The following PRKCE variants were observed in gnomAD, a reference collection of about 807,000 sequenced individuals.
PRKCE encodes the protein protein kinase C epsilon.
Under a neutral mutation model 85.4 loss-of-function variants are expected in PRKCE, and 16 were observed. The ratio of observed to expected loss-of-function variants is 0.19; its 90% CI spans 0.13 to 0.28. The LOEUF is 0.28. Among genes scored for constraint, PRKCE ranks in the 10% least tolerant of loss-of-function variants. PRKCE has a pLI of 1.00. For missense variants in PRKCE, 573 were observed against 975.2 expected (o/e 0.59, Z 5.49); for synonymous variants, 388 against 371.5 (o/e 1.04, Z -0.51).
chr2:45,949,812 C>T (rs967817749), intron 2 of PRKCE, among the ~76,000 whole-genome samples: 2 of 151,666 alleles, frequency 1.3e-5, no homozygotes, highest in Non-Finnish European at 2.9e-5. Context: ...TGGTCTGTCC[C>T]GCTGATACAC....
chr2:46,009,083 A>G lies in PRKCE; in HGVS notation c.1264-1261A>G, dbSNP rs375084705. Reference sequence around the variant, plus strand: ...GAAGAGAAAGGCTTGTGACGTTTGTAGGTAAATGAGTGCAAAAATATCAAA... The same window carrying G: ...GAAGAGAAAGGCTTGTGACGTTTGTGGGTAAATGAGTGCAAAAATATCAAA... On this transcript the variant is annotated intron_variant, in intron 9 of 14. Transcript: ENST00000306156. 5.3e-5 allele frequency among the ~76,000 whole-genome samples: 8 copies of G among 152,336 alleles called. No homozygotes were observed. In the South Asian group the frequency reaches 1.2e-3, roughly 24 times the overall value.
chr2:45,734,365 GAA>G (rs1192372839), intron 1 of PRKCE, among the ~76,000 whole-genome samples: 7 of 124,340 alleles, frequency 5.6e-5, no homozygotes, highest in African/African-American at 8.9e-5. Flanking sequence ...CTCCATCTCA[GAA>G]AAAAAAAAAA....
In PRKCE at chr2:45,651,985, G is replaced by A. The variant is rs1675147501; in HGVS notation, c.-116G>A. The A allele has an allele frequency of 2.0e-5, 16 of 790,408 alleles. No homozygotes were observed. Among genetic ancestry groups the A allele is most frequent in the Non-Finnish European group, 3.1e-5 (15 of 485,174 alleles). 49.0% of individuals were successfully genotyped at this position (790,408 alleles called of 1,614,324 possible). A position where few individuals can be genotyped will look rare whatever the true frequency, so the allele number is the denominator to read the frequency against. On this transcript the variant is annotated 5_prime_UTR_variant, in exon 1 of 15. Coordinates refer to ENST00000306156, the MANE Select transcript of PRKCE (RefSeq NM_005400.3). Reference sequence around the variant, plus strand: ...GCCACAAGGTGTAGGGAGTGTGCGGGGTGGGGCGAAAGGGGACCCAAGAGT... The same window carrying A: ...GCCACAAGGTGTAGGGAGTGTGCGGAGTGGGGCGAAAGGGGACCCAAGAGT...
At chr2:45,775,405 C>T (rs943985815) in intron 1 of PRKCE, among the ~76,000 whole-genome samples, 20 of 152,186 alleles carry the variant, frequency 1.3e-4, no homozygotes, top group African/African-American at 4.8e-4. Flanking sequence ...ATTTGAGGCT[C>T]ATGAAATTCT....
At position 45,651,991 on chromosome 2, in the gene PRKCE, G is replaced by C. The variant is rs553881156; in HGVS notation, c.-110G>C. ...AGGTGTAGGGAGTGTGCGGGGTGGG[G>C]CGAAAGGGGACCCAAGAGTCCCTGT... On this transcript the variant is annotated 5_prime_UTR_variant, in exon 1 of 15. Transcript: ENST00000306156. The C allele has an allele frequency of 5.8e-6, 5 of 859,900 alleles. No individual in the cohort carries two copies. In the South Asian group the frequency reaches 8.3e-5, roughly 14 times the overall value. 53.3% of individuals were successfully genotyped at this position (859,900 alleles called of 1,614,324 possible).
intron 10 of PRKCE, among the ~76,000 whole-genome samples, chr2:46,050,761 C>T (rs1330460000): frequency 1.3e-5 from 2 of 152,232 alleles, no homozygotes; most frequent in African/African-American, 2.4e-5. Context: ...CCCCCAGCCA[C>T]GTCCTGGGAA....
intron 5 of PRKCE, among the ~76,000 whole-genome samples, chr2:45,982,535 C>A (rs957947433): frequency 1.7e-4 from 26 of 152,194 alleles, no homozygotes; most frequent in African/African-American, 5.8e-4. Context: ...TGTTCCATCT[C>A]CACTGGTGTC....
At chr2:45,857,985 G>A (rs571657312) in intron 2 of PRKCE, among the ~76,000 whole-genome samples, 3 of 152,324 alleles carry the variant, frequency 2.0e-5, no homozygotes, top group South Asian at 2.1e-4. Context: ...CCTGTGACAC[G>A]TGACCGCCAG....
At chr2:45,901,293 C>T (rs1252505150) in intron 2 of PRKCE, among the ~76,000 whole-genome samples, 1 of 152,158 alleles carries the variant, frequency 6.6e-6, no homozygotes, top group Admixed American at 6.5e-5. Flanking sequence ...ACAAGCAAGG[C>T]ATTAGTGTTT....
intron 10 of PRKCE, among the ~76,000 whole-genome samples, chr2:46,024,335 G>C (rs959075165): frequency 6.7e-6 from 1 of 150,062 alleles, no homozygotes; most frequent in African/African-American, 2.4e-5. Flanking sequence ...AGAGGCAATA[G>C]GAAGTTGAAG....
intron 6 of PRKCE, among the ~76,000 whole-genome samples, chr2:45,986,454 G>A (rs899317970): frequency 6.6e-6 from 1 of 152,132 alleles, no homozygotes; most frequent in African/African-American, 2.4e-5. Flanking sequence ...GAGAATGATG[G>A]ACACCGCCTT....
intron 10 of PRKCE, among the ~76,000 whole-genome samples, chr2:46,015,738 A>C (rs2104835034): frequency 6.7e-6 from 1 of 149,776 alleles, no homozygotes; most frequent in African/African-American, 2.4e-5. Flanking sequence ...GGCCATTGGT[A>C]GATTTTGTTC....
At chr2:46,061,853 C>CTTTT (rs111335265) in intron 10 of PRKCE, among the ~76,000 whole-genome samples, 2 of 107,816 alleles carry the variant, frequency 1.9e-5, no homozygotes, top group African/African-American at 4.9e-5. Context: ...CTTTTCTTTT[C>CTTTT]TTTTTCTTTT....
At chr2:45,701,404 T>G (rs1572986967) in intron 1 of PRKCE, 1 of 152,192 alleles carries the variant, frequency 6.6e-6, no homozygotes, top group East Asian at 1.9e-4. Context: ...AATCCTTTAC[T>G]TACCTGTGCT....
At chr2:46,142,515 C>T (rs1009212471) in intron 11 of PRKCE, among the ~76,000 whole-genome samples, 4 of 152,184 alleles carry the variant, frequency 2.6e-5, no homozygotes, top group East Asian at 1.9e-4. Flanking sequence ...TGACCAGGGG[C>T]GGGCTTCAGG....
chr2:46,159,835 T>C lies in PRKCE; in HGVS notation c.2067+83T>C, dbSNP rs1401701522. ...CAGGCTGCGTGCACCCAGGAAGAGT[T>C]GGTCAGGGGATGCGTATTACAGTAA... is the stretch of plus-strand genomic sequence containing the variant. On this transcript the variant is annotated intron_variant, in intron 14 of 14. Transcript: ENST00000306156. This position sits in a 1 kb window ranked among gnomAD's most constrained non-coding sequence, Gnocchi z 4.1. The C allele has an allele frequency of 6.5e-7, 1 of 1,539,462 alleles. No individual in the cohort carries two copies. The highest frequency in any genetic ancestry group is 8.8e-7 in the Non-Finnish European group (1 of 1,140,336).
chr2:45,973,186 G>C (rs1332874857), intron 2 of PRKCE, among the ~76,000 whole-genome samples: 1 of 152,158 alleles, frequency 6.6e-6, no homozygotes, highest in Admixed American at 6.5e-5. Context: ...TGGACTCCAG[G>C]CCCCAGTAGG....
intron 2 of PRKCE, among the ~76,000 whole-genome samples, chr2:45,893,723 A>G (rs1362597002): frequency 6.6e-6 from 1 of 151,522 alleles, no homozygotes; most frequent in Non-Finnish European, 1.5e-5. Context: ...CTCATGGGCC[A>G]CTCTTATTTG....
At chr2:45,959,908 ATTTG>A (rs1452473492) in intron 2 of PRKCE, among the ~76,000 whole-genome samples, 2 of 151,986 alleles carry the variant, frequency 1.3e-5, no homozygotes, top group East Asian at 1.9e-4. Flanking sequence ...TCCGGGTTTT[ATTTG>A]TTTGTTTGTT....
Sources: allele counts gnomAD v4.1 joint callset (sites outside exome capture counted in the v4.1 genomes callset), GRCh38; gene constraint gnomAD v4.1.1; non-coding constraint Gnocchi (gnomAD v3.1); transcripts MANE v1.5; gene names NCBI Gene and HGNC (gene_info 2026-07-23, HGNC 2026-07-21).